The following RAE1 variants were observed in gnomAD, a reference collection of about 807,000 sequenced individuals.
The protein encoded by RAE1 is ribonucleic acid export 1.
RAE1 carries 13 observed loss-of-function variants against 52.7 expected under a neutral mutation model. The ratio of observed to expected loss-of-function variants is 0.25; its 90% CI spans 0.16 to 0.39. The LOEUF (loss-of-function observed/expected upper bound fraction) is 0.39, where lower values mean the gene tolerates loss of function less well. RAE1 is among the 10% of genes least tolerant of loss of function. The pLI is 1.00. For missense variants in RAE1, 262 were observed against 459.8 expected (o/e 0.57, Z 3.93); for synonymous variants, 164 against 153.1 (o/e 1.07, Z -0.52).
chr20:57,355,805 G>T (rs573059933), intron 3 of RAE1, among the ~76,000 whole-genome samples: 1 of 152,174 alleles, frequency 6.6e-6, no homozygotes, highest in Non-Finnish European at 1.5e-5. Flanking sequence ...AGTCAAGGTT[G>T]AGCAAGCTTG....
intron 7 of RAE1, among the ~76,000 whole-genome samples, chr20:57,368,261 T>C (rs1262661806): frequency 6.6e-6 from 1 of 152,150 alleles, no homozygotes; most frequent in African/African-American, 2.4e-5. Context: ...AAATAAACCC[T>C]GTGGTAGGTT....
chr20:57,377,985 G>T (rs2067140343), intron 11 of RAE1, 28 bp from the exon 12 acceptor site: 1 of 1,519,576 alleles, frequency 6.6e-7, no homozygotes. Flanking sequence ...TGAATAATAA[G>T]ATCATTGGTG....
At chr20:57,360,175 G>A (rs761617808) in intron 4 of RAE1, among the ~76,000 whole-genome samples, 1 of 152,156 alleles carries the variant, frequency 6.6e-6, no homozygotes, top group Non-Finnish European at 1.5e-5. Flanking sequence ...GGAAGGTGAT[G>A]GGCTGTGTGT....
At chr20:57,374,540 G>A in intron 10 of RAE1, 67 bp from the exon 11 acceptor site, 2 of 1,411,196 alleles carry the variant, frequency 1.4e-6, no homozygotes, top group Non-Finnish European at 2.0e-6. Flanking sequence ...AGCAGGAAGT[G>A]TGCGTGGGTG....
intron 4 of RAE1, among the ~76,000 whole-genome samples, chr20:57,362,627 G>C (rs1049740338): frequency 1.3e-5 from 2 of 152,170 alleles, no homozygotes; most frequent in African/African-American, 4.8e-5. Context: ...AAGTTTCATA[G>C]CATCTAGTGG....
intron 4 of RAE1, chr20:57,359,050 C>A: frequency 6.7e-7 from 1 of 1,497,308 alleles, no homozygotes; most frequent in Non-Finnish European, 8.9e-7. Context: ...TCATTCAAGT[C>A]CCTATTTAGA....
chr20:57,370,010 G>A (rs139798392), intron 8 of RAE1, among the ~76,000 whole-genome samples: 6 of 152,130 alleles, frequency 3.9e-5, no homozygotes, highest in Non-Finnish European at 5.9e-5. Flanking sequence ...CCATACACCC[G>A]TCTCTCCTGC....
chr20:57,362,826 C>G (rs2066908019), intron 4 of RAE1, among the ~76,000 whole-genome samples: 1 of 152,160 alleles, frequency 6.6e-6, no homozygotes, highest in African/African-American at 2.4e-5. Context: ...CTCTGTAGCC[C>G]AGGAGTGCAG....
chr20:57,368,679 C>T (rs1275319108), intron 7 of RAE1, 26 bp from the exon 8 acceptor site: 5 of 1,516,034 alleles, frequency 3.3e-6, no homozygotes, highest in Non-Finnish European at 4.6e-6. Flanking sequence ...ACCTGAAGCG[C>T]ATCTCTGTTT....
chr20:57,354,268 C>T (rs1283440200), intron 2 of RAE1, 140 bp downstream of exon 2: 3 of 688,634 alleles, frequency 4.4e-6, no homozygotes, highest in African/African-American at 3.6e-5. Context: ...TTCTGAAACA[C>T]TGGAGCACAG....
chr20:57,374,912 G>A, intron 11 of RAE1, 111 bp downstream of exon 11: 3 of 1,242,054 alleles, frequency 2.4e-6, no homozygotes, highest in South Asian at 1.2e-5. Context: ...GTGTGTCCTT[G>A]GGCAGGTCAC....
chr20:57,367,164 A>G lies in RAE1; in HGVS notation c.534+85A>G, dbSNP rs765544586. ...ACCTTGTGGCGTCCTGCAGTTAGTG[A>G]GTGGATAATATAAAAATCCTGCTAG... On this transcript the variant is annotated intron_variant, in intron 7 of 11. Coordinates refer to ENST00000395841, the MANE Select transcript of RAE1 (RefSeq NM_003610.4). The G allele has an allele frequency of 4.6e-4, 535 of 1,164,482 alleles. 3 individuals are homozygous for G. The highest frequency in any genetic ancestry group is 5.0e-4 in the Non-Finnish European group (412 of 819,744). 72.1% of individuals were successfully genotyped at this position (1,164,482 alleles called of 1,614,324 possible). A position where few individuals can be genotyped will look rare whatever the true frequency, so the allele number is the denominator to read the frequency against.
intron 1 of RAE1, among the ~76,000 whole-genome samples, chr20:57,352,534 G>C (rs933562157): frequency 1.3e-5 from 2 of 152,212 alleles, no homozygotes; most frequent in Non-Finnish European, 2.9e-5. Context: ...AAGCTTCCCA[G>C]TGCTCAGCAT....
rs754396331 is a variant in RAE1 at position 57,374,778 on chromosome 20, G to A, written c.997G>A (p.Ala333Thr). 1.2e-6 allele frequency: 2 copies of A among 1,614,154 alleles called. No homozygotes were observed. Among genetic ancestry groups the A allele is most frequent in the Non-Finnish European group, 8.5e-7 (1 of 1,180,044 alleles). The change falls in exon 11 of 12, where the codon GCT becomes ACT. Residue 333 changes from alanine (A) to threonine (T), a missense_variant. Ala to Thr is a moderately conservative substitution (Grantham distance 58). Transcript: ENST00000395841. ...FNHNGNIFAY[A>T]SSYDWSKGHE... ...TCACAATGGAAACATATTTGCATAC[G>A]CTTCCAGCTACGACTGGTCAAAGGT...
intron 7 of RAE1, among the ~76,000 whole-genome samples, chr20:57,367,644 G>A (rs979183299): frequency 2.0e-5 from 3 of 150,780 alleles, no homozygotes; most frequent in African/African-American, 4.9e-5. Flanking sequence ...GGAGGCTGAC[G>A]CATGAGAATT....
At chr20:57,359,345 G>A (rs2066855115) in intron 4 of RAE1, 2 of 219,646 alleles carry the variant, frequency 9.1e-6, no homozygotes, top group Admixed American at 1.2e-4. Flanking sequence ...CTTATGCAAT[G>A]GAGAATGTCT....
In RAE1 at chr20:57,378,297, CAG is replaced by C. The variant is rs760380665; in HGVS notation, c.*201_*202del. ...CGTCTCTCCATTCCACTGCCTGTTG[CAG>C]AGTTTTTCTGTAACTAAGGGGGTTG... is the stretch of plus-strand genomic sequence containing the variant. On this transcript the variant is annotated 3_prime_UTR_variant, in exon 12 of 12. Transcript: ENST00000395841. The C allele has an allele frequency of 1.0e-4, 54 of 532,420 alleles. No individual in the cohort carries two copies. Among genetic ancestry groups the C allele is most frequent in the Non-Finnish European group, 1.6e-4 (48 of 297,882 alleles). The allele number at this position is 532,420 out of a possible 1,614,324, so 33.0% of individuals were successfully genotyped here. A position where few individuals can be genotyped will look rare whatever the true frequency, so the allele number is the denominator to read the frequency against.
chr20:57,352,096 T>A (rs546324234), intron 1 of RAE1: 15 of 618,418 alleles, frequency 2.4e-5, no homozygotes, highest in Non-Finnish European at 2.6e-5. Context: ...TTAGATATGT[T>A]AAAGTTGGCA....
chr20:57,378,036 GA>G lies in RAE1; in HGVS notation c.1052del (p.Asn351IlefsTer12). On this transcript the variant is annotated frameshift_variant, in exon 12 of 12. Transcript: ENST00000395841. LOFTEE classifies it high-confidence loss of function. ...AGGGACATGAATTTTATAATCCCCA[GA>G]AAAAAAATTACATTTTCCTGCGTAA... ...SKGHEFYNPQKKNYIFLRNAA... is the reference protein window; with the variant it reads ...SKGHEFYNPQXKNYIFLRNAA... 6.2e-7 allele frequency: 1 copy of G among 1,611,272 alleles called. No homozygotes were observed. Among genetic ancestry groups the G allele is most frequent in the South Asian group, 1.1e-5 (1 of 90,910 alleles).
Sources: gnomAD v4.1 joint callset for allele counts (sites outside exome capture counted in the v4.1 genomes callset) on GRCh38, gnomAD v4.1.1 for gene constraint, MANE v1.5 for transcripts, NCBI Gene and HGNC (gene_info 2026-07-23, HGNC 2026-07-21) for gene names.